The following CCND1 variants were observed in gnomAD, a reference collection of about 807,000 sequenced individuals.
CCND1 encodes the protein G1/S-specific cyclin-D1.
In CCND1, 9 loss-of-function variants were observed where a neutral mutation model predicts 26.1. The ratio of observed to expected loss-of-function variants is 0.35; its 90% CI spans 0.21 to 0.60. The LOEUF is 0.60. Among genes scored for constraint, CCND1 ranks in the 20% least tolerant of loss-of-function variants. The probability of loss-of-function intolerance (pLI) is 0.79; values close to 1 mark genes in which losing one functional copy is unlikely to be tolerated. For synonymous variants in CCND1, 194 were observed against 166.1 expected (o/e 1.17, Z -1.29); for missense variants, 335 against 392.9 (o/e 0.85, Z 1.25).
intron 3 of CCND1, 107 bp downstream of exon 3, chr11:69,644,098 C>T: frequency 9.2e-7 from 1 of 1,092,772 alleles, no homozygotes; most frequent in East Asian, 2.5e-5. Context: ...AAGATGTCCC[C>T]AGACCCCCTC....
intron 3 of CCND1, among the ~76,000 whole-genome samples, chr11:69,644,931 C>T (rs1462301707): frequency 1.3e-5 from 2 of 152,210 alleles, no homozygotes; most frequent in African/African-American, 4.8e-5. Context: ...GCCCACGGGG[C>T]ATCAAAGAGG....
In CCND1 at chr11:69,654,195, C is replaced by T. The variant is rs1270452510; in HGVS notation, c.*2913C>T. 4.3e-6 allele frequency: 3 copies of T among 702,370 alleles called. No homozygotes were observed. Among genetic ancestry groups the T allele is most frequent in the Non-Finnish European group, 7.8e-6 (3 of 384,960 alleles). The allele number at this position is 702,370 out of a possible 1,614,324, so 43.5% of individuals were successfully genotyped here. Reference sequence around the variant, plus strand: ...GGCTGCGGCGTCTGTCTGAACCACGCGGGGGCCTTGAGGGACGCTTTGTCT... The same window carrying T: ...GGCTGCGGCGTCTGTCTGAACCACGTGGGGGCCTTGAGGGACGCTTTGTCT... On this transcript the variant is annotated 3_prime_UTR_variant, in exon 5 of 5. Coordinates refer to ENST00000227507, the MANE Select transcript of CCND1 (RefSeq NM_053056.3). The surrounding 1 kb of genome is among the most constrained non-coding windows in gnomAD (Gnocchi z 6.3).
In CCND1 at chr11:69,641,361, G is replaced by C. The variant is rs2120080004; in HGVS notation, c.48G>C (p.Ala16=). ...LCCEVETIRR[A]YPDANLLNDR... is the part of the protein sequence containing the mutation. Reference sequence around the variant, plus strand: ...GCGAAGTGGAAACCATCCGCCGCGCGTACCCCGATGCCAACCTCCTCAACG... The same window carrying C: ...GCGAAGTGGAAACCATCCGCCGCGCCTACCCCGATGCCAACCTCCTCAACG... Residue 16 remains alanine, a synonymous_variant, in exon 1 of 5, where the codon GCG becomes GCC. Coordinates refer to ENST00000227507, the MANE Select transcript of CCND1 (RefSeq NM_053056.3). 1 of 1,613,176 alleles carries C rather than the reference G, an allele frequency of 6.2e-7. No homozygotes were observed. The highest frequency in any genetic ancestry group is 8.5e-7 in the Non-Finnish European group (1 of 1,180,014).
rs1855881243 is a variant in CCND1, at chr11:69,653,433, T to A, written c.*2151T>A. 1.6e-6 allele frequency: 1 copy of A among 625,728 alleles called. No individual in the cohort carries two copies. Among genetic ancestry groups the A allele is most frequent in the African/African-American group, 1.9e-5 (1 of 52,822 alleles). 38.8% of individuals were successfully genotyped at this position (625,728 alleles called of 1,614,324 possible). ...CCTTTTTTGTAGTTTTTTTTTTTTTTATGTGATCAATTTTGACTTAATGTG... is the reference window on the plus strand; with the variant it reads ...CCTTTTTTGTAGTTTTTTTTTTTTTAATGTGATCAATTTTGACTTAATGTG... On this transcript the variant is annotated 3_prime_UTR_variant, in exon 5 of 5. Coordinates refer to ENST00000227507, the MANE Select transcript of CCND1 (RefSeq NM_053056.3).
chr11:69,641,803 G>C (rs1456866844), intron 1 of CCND1, among the ~76,000 whole-genome samples: 2 of 152,050 alleles, frequency 1.3e-5, no homozygotes, highest in East Asian at 3.9e-4. Flanking sequence ...CCGAGGGTGC[G>C]GGCTGGCAGG....
chr11:69,643,290 C>T lies in CCND1; in HGVS notation c.414+44C>T, dbSNP rs761932664. On this transcript the variant is annotated intron_variant, in intron 2 of 4. Transcript: ENST00000227507. ...CGCCCCCCGCCCCCCGCGAGCCGCA[C>T]GCAGGACCACGGGGCCGGGGAAGGT... 1.1e-3 allele frequency: 1,549 copies of T among 1,457,850 alleles called. 2 individuals are homozygous for T. Among genetic ancestry groups the T allele is most frequent in the Non-Finnish European group, 1.3e-3 (1,404 of 1,073,940 alleles). The allele number at this position is 1,457,850 out of a possible 1,614,324, so 90.3% of individuals were successfully genotyped here.
rs1363437950 is a variant in CCND1 at position 69,652,978 on chromosome 11, AG to A, written c.*1699del. Reference sequence around the variant, plus strand: ...GACAGGCATGGGTGCAAGGAAAATTAGGGTACTCAACCTAAGTTCGGTTCCG... The same window carrying A: ...GACAGGCATGGGTGCAAGGAAAATTAGGTACTCAACCTAAGTTCGGTTCCG... On this transcript the variant is annotated 3_prime_UTR_variant, in exon 5 of 5. Transcript: ENST00000227507. The A allele has an allele frequency of 5.4e-6, 2 of 370,938 alleles. No homozygotes were observed. Among genetic ancestry groups the A allele is most frequent in the Non-Finnish European group, 9.6e-6 (2 of 207,400 alleles). 23.0% of individuals were successfully genotyped at this position (370,938 alleles called of 1,614,324 possible).
chr11:69,641,991 G>A (rs1378033335), intron 1 of CCND1, among the ~76,000 whole-genome samples: 4 of 143,220 alleles, frequency 2.8e-5, no homozygotes, highest in Non-Finnish European at 6.2e-5. Flanking sequence ...TTATTGCAAA[G>A]CAAAAGTGTT....
rs113802535 is a variant in CCND1 at position 69,651,504 on chromosome 11, AG to A, written c.*223del. 36 of 420,630 alleles carry A rather than the reference AG, an allele frequency of 8.6e-5. No individual in the cohort carries two copies. The highest frequency in any genetic ancestry group is 1.7e-4 in the Admixed American group (4 of 24,220). The allele number at this position is 420,630 out of a possible 1,614,324, so 26.1% of individuals were successfully genotyped here. ...AAAACTGTCTTTAAAAGAGAGAGAG[AG>A]AAAAAAAAAATAGTATTTGCATAAC... On this transcript the variant is annotated 3_prime_UTR_variant, in exon 5 of 5. Transcript: ENST00000227507.
chr11:69,649,010 G>T (rs1369227333), intron 4 of CCND1, among the ~76,000 whole-genome samples: 1 of 152,238 alleles, frequency 6.6e-6, no homozygotes, highest in Non-Finnish European at 1.5e-5. Flanking sequence ...GGAAGAGGAA[G>T]AAGCTTTTTT....
rs2120094810 is a variant in CCND1 at position 69,643,954 on chromosome 11, C to G, written c.537C>G (p.Arg179=). ...CGGAGGAGAACAAACAGATCATCCGCAAACACGCGCAGACCTTCGTTGCCC... is the reference window on the plus strand; with the variant it reads ...CGGAGGAGAACAAACAGATCATCCGGAAACACGCGCAGACCTTCGTTGCCC... ...PEAEENKQII[R]KHAQTFVALC... Residue 179 remains arginine, a synonymous_variant, in exon 3 of 5, where the codon CGC becomes CGG. Transcript: ENST00000227507. 10 of 1,613,502 alleles carry G rather than the reference C, an allele frequency of 6.2e-6. No homozygotes were observed. Among genetic ancestry groups the G allele is most frequent in the Non-Finnish European group, 8.5e-6 (10 of 1,180,024 alleles).
In CCND1 at chr11:69,643,752, C is replaced by T. The variant is rs990831896; in HGVS notation, c.415-80C>T. ...TCTGAGCCGGAGGTGCGGCGTGGCC[C>T]GGCCCCCGTGCTGCCGGCTTCCCCG... On this transcript the variant is annotated intron_variant, in intron 2 of 4. Coordinates refer to ENST00000227507, the MANE Select transcript of CCND1 (RefSeq NM_053056.3). 9 of 1,419,176 alleles carry T rather than the reference C, an allele frequency of 6.3e-6. No homozygotes were observed. The Admixed American group carries it at 8.0e-5, about 13-fold the overall frequency. 87.9% of individuals were successfully genotyped at this position (1,419,176 alleles called of 1,614,324 possible). A position where few individuals can be genotyped will look rare whatever the true frequency, so the allele number is the denominator to read the frequency against.
In CCND1 at chr11:69,643,218, A is replaced by G; in HGVS notation, c.386A>G (p.Asp129Gly). The change falls in exon 2 of 5, where the codon GAC becomes GGC. Residue 129 changes from aspartate to glycine, a missense_variant. Coordinates refer to ENST00000227507, the MANE Select transcript of CCND1 (RefSeq NM_053056.3). Reference sequence around the variant, plus strand: ...GCCGAGAAGCTGTGCATCTACACCGACAACTCCATCCGGCCCGAGGAGCTG... The same window carrying G: ...GCCGAGAAGCTGTGCATCTACACCGGCAACTCCATCCGGCCCGAGGAGCTG... ...LTAEKLCIYT[D>G]NSIRPEELLQ... The G allele has an allele frequency of 6.3e-7, 1 of 1,597,218 alleles. No homozygotes were observed. The highest frequency in any genetic ancestry group is 8.5e-7 in the Non-Finnish European group (1 of 1,172,604).
intron 1 of CCND1, among the ~76,000 whole-genome samples, chr11:69,641,836 G>C (rs570268383): frequency 7.2e-5 from 11 of 152,078 alleles, no homozygotes; most frequent in African/African-American, 2.7e-4. Flanking sequence ...TGTGTCCCCC[G>C]CCTGCGCCCC....
In CCND1 at chr11:69,643,875, C is replaced by T. The variant is rs2120093846; in HGVS notation, c.458C>T (p.Ala153Val). 6.2e-7 allele frequency: 1 copy of T among 1,613,216 alleles called. No individual in the cohort carries two copies. The highest frequency in any genetic ancestry group is 8.5e-7 in the Non-Finnish European group (1 of 1,179,688). ...GTGAACAAGCTCAAGTGGAACCTGGCCGCAATGACCCCGCACGATTTCATT... is the reference window on the plus strand; with the variant it reads ...GTGAACAAGCTCAAGTGGAACCTGGTCGCAATGACCCCGCACGATTTCATT... ...LLVNKLKWNL[A>V]AMTPHDFIEH... The change falls in exon 3 of 5, where the codon GCC becomes GTC. Residue 153 changes from alanine (A) to valine (V), a missense_variant. Transcript: ENST00000227507.
At chr11:69,647,193 A>G (rs1855793707) in intron 3 of CCND1, among the ~76,000 whole-genome samples, 1 of 152,200 alleles carries the variant, frequency 6.6e-6, no homozygotes, top group Non-Finnish European at 1.5e-5. Context: ...ACGGCCCAGA[A>G]AAGTGTTTTT....
intron 2 of CCND1, 123 bp from the exon 3 acceptor site, chr11:69,643,709 A>G: frequency 1.2e-6 from 1 of 864,302 alleles, no homozygotes; most frequent in Non-Finnish European, 1.8e-6. Flanking sequence ...GGACCGCACG[A>G]GACGCAGGGG....
rs778565580 is a variant in CCND1 at position 69,643,803 on chromosome 11, C to T, written c.415-29C>T. 5.0e-6 allele frequency: 8 copies of T among 1,586,318 alleles called. No individual in the cohort carries two copies. In the Middle Eastern group the frequency reaches 1.0e-3, roughly 200 times the overall value. ...CGCCCCCGGGCTGGCCCGCACCTCC[C>T]CTGATGGCCGCTCACCCTGTGTTCG... is the stretch of plus-strand genomic sequence containing the variant. On this transcript the variant is annotated intron_variant, in intron 2 of 4. Transcript: ENST00000227507.
Position 69,643,014 on chromosome 11 carries a change from G to T in CCND1, c.199-17G>T. On this transcript the variant is annotated splice_polypyrimidine_tract_variant and intron_variant, in intron 1 of 4. Transcript: ENST00000227507. ...CGCGACCTGGCGGCGGCGGTCACGG[G>T]CCCCGTGCCTCCGTAGGTCTGCGAG... 1 of 1,538,018 alleles carries T rather than the reference G, an allele frequency of 6.5e-7. No homozygotes were observed. The highest frequency in any genetic ancestry group is 8.8e-7 in the Non-Finnish European group (1 of 1,141,354).
Sources: gnomAD v4.1 joint callset for allele counts (sites outside exome capture counted in the v4.1 genomes callset) on GRCh38, gnomAD v4.1.1 for gene constraint, Gnocchi (gnomAD v3.1) non-coding constraint, MANE v1.5 for transcripts, NCBI Gene and HGNC (gene_info 2026-07-23, HGNC 2026-07-21) for gene names.